Variants in PVT1 observed in about 807,000 individuals in gnomAD.
The protein encoded by PVT1 is CXCR4/PVT1 fusion.
At chr8:127,801,889 ATTATTTATTTAT>A (rs56208015) in intron 2 of PVT1, among the ~76,000 whole-genome samples, 6,010 of 147,430 alleles carry the variant, frequency 0.041, 148 homozygotes, top group African/African-American at 0.057. Flanking sequence ...AAGATATCTC[ATTATTTATTTAT>A]TTATTTATTT....
At chr8:127,939,884 CTGATCCCTTGGAGG>C (rs1816327343) in intron 3 of PVT1, 1 of 152,274 alleles carries the variant, frequency 6.6e-6, no homozygotes, top group Admixed American at 6.5e-5. Flanking sequence ...TCCTAACTTT[CTGATCCCTTGGAGG>C]TGATAATCAA....
At chr8:127,823,416 A>G (rs1814754613) in intron 2 of PVT1, among the ~76,000 whole-genome samples, 1 of 152,232 alleles carries the variant, frequency 6.6e-6, no homozygotes, top group Non-Finnish European at 1.5e-5. Flanking sequence ...TAGGTTTTTA[A>G]TTGAAATAGC....
intron 4 of PVT1, chr8:128,070,124 A>C (rs1320537497): frequency 6.6e-6 from 1 of 152,038 alleles, no homozygotes; most frequent in Non-Finnish European, 1.5e-5. Flanking sequence ...ATAGATCTCA[A>C]TTTGGTTCTT....
chr8:127,877,781 C>G lies in PVT1; in HGVS notation n.373-12808C>G, dbSNP rs1031691614. ...TCTACAAAAAAAATACAAAAATTAG[C>G]AGGGCATGGTGGCTCGCACCCGTAG... On this transcript the variant is annotated intron_variant and non_coding_transcript_variant, in intron 2 of 10. Transcript: ENST00000651587. Among the ~76,000 whole-genome samples, 4 of 152,108 alleles carry G rather than the reference C, an allele frequency of 2.6e-5. No homozygotes were observed. In the East Asian group the frequency reaches 7.7e-4, roughly 29 times the overall value.
intron 2 of PVT1, among the ~76,000 whole-genome samples, chr8:127,809,139 G>A (rs1174243221): frequency 6.6e-6 from 1 of 151,680 alleles, no homozygotes; most frequent in African/African-American, 2.4e-5. Context: ...CTTCCAAACT[G>A]TGCTCAGGCA....
chr8:128,097,391 T>G (rs2130177062), intron 6 of PVT1, among the ~76,000 whole-genome samples: 1 of 152,196 alleles, frequency 6.6e-6, no homozygotes, highest in East Asian at 1.9e-4. Context: ...AAACTAAGCC[T>G]TTGGGCTAAA....
chr8:127,897,596 GAGGA>G (rs1303376211), intron 3 of PVT1, among the ~76,000 whole-genome samples: 12 of 141,650 alleles, frequency 8.5e-5, no homozygotes, highest in Non-Finnish European at 1.8e-4. Flanking sequence ...AAGAGAGGGA[GAGGA>G]AGGAAGGAAG....
chr8:127,924,256 T>C (rs147754336), intron 3 of PVT1, among the ~76,000 whole-genome samples: 119 of 152,330 alleles, frequency 7.8e-4, no homozygotes, highest in African/African-American at 2.8e-3. Flanking sequence ...TTCTTTTTTA[T>C]ATATAGCAGC....
chr8:127,890,747 A>G (rs117012010), exon 3 of PVT1: 1 of 152,402 alleles, frequency 6.6e-6, no homozygotes, highest in East Asian at 1.9e-4. Flanking sequence ...ATGCACTGGA[A>G]TGACACACGC....
intron 3 of PVT1, among the ~76,000 whole-genome samples, chr8:127,931,702 G>C (rs936062402): frequency 6.6e-6 from 1 of 152,242 alleles, no homozygotes; most frequent in Non-Finnish European, 1.5e-5. Flanking sequence ...CCAACGGATG[G>C]GAGCCTGCAG....
chr8:127,902,913 T>A (rs184423990), intron 3 of PVT1, among the ~76,000 whole-genome samples: 27 of 152,348 alleles, frequency 1.8e-4, no homozygotes, highest in Non-Finnish European at 3.7e-4. Context: ...GCGTGTGTAC[T>A]TTTGGTAGAA....
chr8:127,936,020 T>TTC (rs1292533127), intron 3 of PVT1, among the ~76,000 whole-genome samples: 82 of 149,778 alleles, frequency 5.5e-4, no homozygotes, highest in African/African-American at 9.8e-4. Flanking sequence ...AAACAGTGTC[T>TTC]TCTCTCTCTC....
At chr8:127,925,898 C>T (rs1816124341) in intron 3 of PVT1, among the ~76,000 whole-genome samples, 1 of 152,192 alleles carries the variant, frequency 6.6e-6, no homozygotes, top group Non-Finnish European at 1.5e-5. Context: ...ACCTCGGGCT[C>T]CCAAAGTGCT....
At chr8:127,854,817 T>G (rs1815144635) in intron 2 of PVT1, 5 of 205,894 alleles carry the variant, frequency 2.4e-5, no homozygotes, top group Non-Finnish European at 2.9e-5. Context: ...GAAATGACCT[T>G]GAGAATCTAC....
At chr8:127,987,994 A>G (rs1208084087) in intron 3 of PVT1, among the ~76,000 whole-genome samples, 5 of 152,204 alleles carry the variant, frequency 3.3e-5, no homozygotes, top group Non-Finnish European at 5.9e-5. Context: ...TTAAGCCTGC[A>G]CTGAATGGGA....
intron 3 of PVT1, among the ~76,000 whole-genome samples, chr8:127,929,594 G>A (rs1344208793): frequency 2.0e-5 from 3 of 152,046 alleles, no homozygotes; most frequent in Admixed American, 6.6e-5. Context: ...GTGAAACCCC[G>A]TCTCTACTAA....
intron 3 of PVT1, chr8:127,984,010 C>G (rs975162840): frequency 6.6e-6 from 1 of 151,604 alleles, no homozygotes; most frequent in African/African-American, 2.4e-5. Flanking sequence ...TCCCGAGTAG[C>G]TGGTATTACA....
intron 2 of PVT1, among the ~76,000 whole-genome samples, chr8:127,840,993 T>C (rs1814967073): frequency 6.6e-6 from 1 of 152,246 alleles, no homozygotes; most frequent in Non-Finnish European, 1.5e-5. Flanking sequence ...GGAAACCCAC[T>C]GCAGGCAGCA....
intron 4 of PVT1, among the ~76,000 whole-genome samples, chr8:128,064,263 C>T (rs2720665): frequency 0.47 from 71,802 of 152,006 alleles, 17,337 homozygotes; most frequent in East Asian, 0.64. Flanking sequence ...GTTTTCCGGG[C>T]CTGGAGGAGG....
Sources: allele counts gnomAD v4.1 joint callset (sites outside exome capture counted in the v4.1 genomes callset), GRCh38; gene constraint gnomAD v4.1.1; transcripts MANE v1.5; gene names NCBI Gene and HGNC (gene_info 2026-07-23, HGNC 2026-07-21).